The following LARP4 variants were observed in gnomAD, a reference collection of about 807,000 sequenced individuals.
LARP4 encodes La ribonucleoprotein 4.
LARP4 carries 29 observed loss-of-function variants against 92.9 expected under a neutral mutation model. The ratio of observed to expected loss-of-function variants is 0.31; its 90% confidence interval spans 0.23 to 0.43. LARP4 has a LOEUF of 0.43. Ranked by LOEUF, LARP4 falls within the 20% of genes least tolerant of loss-of-function variation. The probability of loss-of-function intolerance (pLI) is 1.00; values close to 1 mark genes in which losing one functional copy is unlikely to be tolerated. For missense variants in LARP4, 732 were observed against 860.0 expected (o/e 0.85, Z 1.86); for synonymous variants, 279 against 284.1 (o/e 0.98, Z 0.18).
Position 50,477,469 on chromosome 12 carries a change from ATAGAG to A in LARP4, c.*1608_*1612del, listed in dbSNP as rs1229048176. On this transcript the variant is annotated 3_prime_UTR_variant, in exon 16 of 16. Transcript: ENST00000398473. The stretch of plus-strand genomic sequence containing the variant: ...GAACACTGGAAAGCACCATTGTGAC[ATAGAG>A]TAAACATCTTAGTAATATATTAAAG... 1 of 152,566 alleles carries A rather than the reference ATAGAG, an allele frequency of 6.6e-6. No individual in the cohort carries two copies. Among genetic ancestry groups the A allele is most frequent in the Non-Finnish European group, 1.5e-5 (1 of 67,988 alleles). 9.5% of individuals were successfully genotyped at this position (152,566 alleles called of 1,614,324 possible).
intron 15 of LARP4, among the ~76,000 whole-genome samples, chr12:50,474,482 G>A (rs1220017848): frequency 4.6e-5 from 7 of 152,060 alleles, no homozygotes; most frequent in Admixed American, 6.6e-5. Flanking sequence ...CGGGTAGCTG[G>A]GACTACAGGT....
intron 4 of LARP4, 150 bp from the exon 5 acceptor site, chr12:50,435,338 C>G: frequency 1.7e-6 from 1 of 595,678 alleles, no homozygotes; most frequent in Non-Finnish European, 2.9e-6. Flanking sequence ...CTTTTAACAA[C>G]TTTTTAGAGT....
chr12:50,445,879 C>T (rs1265811371), intron 8 of LARP4, among the ~76,000 whole-genome samples: 1 of 152,110 alleles, frequency 6.6e-6, no homozygotes, highest in East Asian at 1.9e-4. Context: ...AAAACTTTGT[C>T]TGCAGTCTGA....
chr12:50,466,836 A>G (rs1487246805), intron 12 of LARP4, 123 bp from the exon 13 acceptor site: 1 of 794,734 alleles, frequency 1.3e-6, no homozygotes, highest in Non-Finnish European at 2.0e-6. Context: ...GTAGGGATAC[A>G]GTTCTGTGCA....
At chr12:50,445,613 A>G (rs1049820602) in intron 8 of LARP4, among the ~76,000 whole-genome samples, 1 of 151,388 alleles carries the variant, frequency 6.6e-6, no homozygotes, top group Non-Finnish European at 1.5e-5. Flanking sequence ...ATTTTTCTTC[A>G]ACCTATTTTT....
At position 50,477,732 on chromosome 12, in the gene LARP4, C is replaced by T. The variant is rs187005862; in HGVS notation, c.*1868C>T. Reference sequence around the variant, plus strand: ...TATATTTACTCAGTTTGAAACTATTCATTTCTACACACTATTTTTAAAAAT... The same window carrying T: ...TATATTTACTCAGTTTGAAACTATTTATTTCTACACACTATTTTTAAAAAT... On this transcript the variant is annotated 3_prime_UTR_variant, in exon 16 of 16. Coordinates refer to ENST00000398473, the MANE Select transcript of LARP4 (RefSeq NM_052879.5). 6.6e-6 allele frequency: 1 copy of T among 152,394 alleles called. No individual in the cohort carries two copies. The highest frequency in any genetic ancestry group is 1.5e-5 in the Non-Finnish European group (1 of 67,922). 9.4% of individuals were successfully genotyped at this position (152,394 alleles called of 1,614,324 possible).
intron 1 of LARP4, among the ~76,000 whole-genome samples, chr12:50,404,005 TC>T (rs1314083439): frequency 6.6e-6 from 1 of 152,042 alleles, no homozygotes; most frequent in Non-Finnish European, 1.5e-5. Flanking sequence ...GGGTGGCAAA[TC>T]ACCTGAGGTC....
Position 50,476,932 on chromosome 12 carries a change from C to CT in LARP4, c.*1069dup, listed in dbSNP as rs1957575004. ...TTAGCTCCCAAGATGGTAGGGCAGACTGACCGTACAGTAATTTATTTGTCG... is the reference window on the plus strand; with the variant it reads ...TTAGCTCCCAAGATGGTAGGGCAGACTTGACCGTACAGTAATTTATTTGTCG... On this transcript the variant is annotated 3_prime_UTR_variant, in exon 16 of 16. Coordinates refer to ENST00000398473, the MANE Select transcript of LARP4 (RefSeq NM_052879.5). 6.6e-6 allele frequency: 1 copy of CT among 152,222 alleles called. No homozygotes were observed. Among genetic ancestry groups the CT allele is most frequent in the Non-Finnish European group, 1.5e-5 (1 of 68,024 alleles). The allele number at this position is 152,222 out of a possible 1,614,324, so 9.4% of individuals were successfully genotyped here.
intron 1 of LARP4, among the ~76,000 whole-genome samples, chr12:50,403,769 G>C (rs1218734801): frequency 1.3e-5 from 2 of 152,142 alleles, no homozygotes; most frequent in African/African-American, 2.4e-5. Flanking sequence ...TATCCCACTA[G>C]AATCAGTAGG....
chr12:50,476,969 G>T lies in LARP4; in HGVS notation c.*1105G>T, dbSNP rs1957579429. 6.6e-6 allele frequency: 1 copy of T among 152,382 alleles called. No individual in the cohort carries two copies. Among genetic ancestry groups the T allele is most frequent in the East Asian group, 1.9e-4 (1 of 5,186 alleles). 9.4% of individuals were successfully genotyped at this position (152,382 alleles called of 1,614,324 possible). The stretch of plus-strand genomic sequence containing the variant: ...TAATTTATTTGTCGTTAGTGTTAAA[G>T]ATTAAGCATAGTAACTGACTCTTAA... On this transcript the variant is annotated 3_prime_UTR_variant, in exon 16 of 16. Transcript: ENST00000398473.
chr12:50,426,684 GGTGTGTGTGTGTGTGTGTGT>G lies in LARP4; in HGVS notation c.19-1050_19-1031del, dbSNP rs762987529. On this transcript the variant is annotated intron_variant, in intron 1 of 15. Coordinates refer to ENST00000398473, the MANE Select transcript of LARP4 (RefSeq NM_052879.5). The stretch of plus-strand genomic sequence containing the variant: ...GCATGGAACAGGGCATTATGTTTGG[GGTGTGTGTGTGTGTGTGTGT>G]GTGTGTGTGTGTGTGTGTGTGTGTG... Among the ~76,000 whole-genome samples, 498 of 86,176 alleles carry G rather than the reference GGTGTGTGTGTGTGTGTGTGT, an allele frequency of 5.8e-3. 6 individuals carry two copies. The highest frequency in any genetic ancestry group is 0.022 in the African/African-American group (435 of 20,044). The allele number at this position is 86,176 out of a possible 152,430, so 56.5% of individuals were successfully genotyped here.
intron 1 of LARP4, among the ~76,000 whole-genome samples, chr12:50,425,552 A>C (rs548722731): frequency 6.6e-6 from 1 of 152,198 alleles, no homozygotes; most frequent in Admixed American, 6.5e-5. Flanking sequence ...CTGTTCTGCT[A>C]TCAGTCAAAA....
chr12:50,401,735 G>C (rs1405185022), intron 1 of LARP4, among the ~76,000 whole-genome samples: 1 of 152,196 alleles, frequency 6.6e-6, no homozygotes, highest in African/African-American at 2.4e-5. Flanking sequence ...AAAATTCCAA[G>C]AATGAGGGAA....
At chr12:50,447,798 G>A (rs550467444) in intron 8 of LARP4, among the ~76,000 whole-genome samples, 7 of 151,902 alleles carry the variant, frequency 4.6e-5, no homozygotes, top group East Asian at 3.9e-4. Context: ...ATCTTCCCAC[G>A]TTGGTCTCCC....
intron 5 of LARP4, among the ~76,000 whole-genome samples, chr12:50,436,101 GGTGT>G (rs141076360): frequency 3.0e-5 from 4 of 134,902 alleles, no homozygotes; most frequent in South Asian, 2.4e-4. Context: ...GTATCCCGCT[GGTGT>G]GTGTGTGTGT....
intron 8 of LARP4, 91 bp from the exon 9 acceptor site, chr12:50,453,369 G>T: frequency 1.4e-6 from 1 of 719,722 alleles, no homozygotes; most frequent in East Asian, 2.7e-5. Flanking sequence ...AAATAGTATA[G>T]TCATGTAAAA....
At chr12:50,472,178 T>A (rs1957004966) in intron 13 of LARP4, among the ~76,000 whole-genome samples, 1 of 152,214 alleles carries the variant, frequency 6.6e-6, no homozygotes, top group Non-Finnish European at 1.5e-5. Context: ...GCCAGCAGTA[T>A]AAATACACAT....
intron 8 of LARP4, among the ~76,000 whole-genome samples, chr12:50,453,022 C>T (rs1953526912): frequency 6.6e-6 from 1 of 151,772 alleles, no homozygotes; most frequent in African/African-American, 2.4e-5. Flanking sequence ...CAGTCCTCCC[C>T]ACTCTGCCTC....
At chr12:50,408,426 A>G (rs890971997) in intron 1 of LARP4, among the ~76,000 whole-genome samples, 3 of 151,684 alleles carry the variant, frequency 2.0e-5, no homozygotes, top group African/African-American at 4.8e-5. Context: ...CGAACTCCCA[A>G]CCTCAGGTGA....
Sources: gnomAD v4.1 joint callset for allele counts (sites outside exome capture counted in the v4.1 genomes callset) on GRCh38, gnomAD v4.1.1 for gene constraint, MANE v1.5 for transcripts, NCBI Gene and HGNC (gene_info 2026-07-23, HGNC 2026-07-21) for gene names.